Variants in FGF14 observed in about 807,000 individuals in gnomAD.
The protein encoded by FGF14 is fibroblast growth factor 14.
A neutral mutation model predicts 25.5 loss-of-function variants in FGF14; 5 were observed. The ratio of observed to expected loss-of-function variants is 0.20; its 90% CI spans 0.10 to 0.41. The LOEUF (loss-of-function observed/expected upper bound fraction) is 0.41. Among genes scored for constraint, FGF14 ranks in the 10% least tolerant of loss-of-function variants. The pLI, the probability that FGF14 is intolerant of heterozygous loss-of-function variation, is 1.00. For missense variants in FGF14, 222 were observed against 320.1 expected (o/e 0.69, Z 2.34); for synonymous variants, 138 against 118.3 (o/e 1.17, Z -1.08).
At chr13:102,061,526 T>C (rs1334080033) in intron 1 of FGF14, among the ~76,000 whole-genome samples, 1 of 152,250 alleles carries the variant, frequency 6.6e-6, no homozygotes, top group Non-Finnish European at 1.5e-5. Flanking sequence ...CTCACTTTTA[T>C]AGACAAATAA....
intron 3 of FGF14, among the ~76,000 whole-genome samples, chr13:101,862,936 T>C (rs1347292449): frequency 1.3e-5 from 2 of 152,114 alleles, no homozygotes; most frequent in Non-Finnish European, 2.9e-5. Flanking sequence ...TTATTTAACA[T>C]TTTATTAATA....
intron 1 of FGF14, among the ~76,000 whole-genome samples, chr13:101,950,188 G>A (rs1204905708): frequency 2.0e-5 from 3 of 152,054 alleles, no homozygotes; most frequent in African/African-American, 4.8e-5. Flanking sequence ...CACTCAACGA[G>A]TCTATAATGA....
intron 3 of FGF14, among the ~76,000 whole-genome samples, chr13:101,831,263 TTTATTTA>T (rs1024980621): frequency 2.6e-5 from 4 of 151,090 alleles, no homozygotes; most frequent in African/African-American, 9.7e-5. Context: ...TATTTATTTA[TTTATTTA>T]TTTATTTATT....
At chr13:102,382,700 T>C (rs1398480191) in intron 1 of FGF14, among the ~76,000 whole-genome samples, 1 of 152,058 alleles carries the variant, frequency 6.6e-6, no homozygotes, top group Non-Finnish European at 1.5e-5. Context: ...TTTATAGTAG[T>C]AAAATAATGA....
chr13:101,878,763 T>C (rs947225088), intron 1 of FGF14, among the ~76,000 whole-genome samples: 1 of 152,028 alleles, frequency 6.6e-6, no homozygotes, highest in Non-Finnish European at 1.5e-5. Flanking sequence ...AAAATGAAAC[T>C]TCATCCTAAA....
At chr13:101,770,394 T>C (rs1245904688) in intron 3 of FGF14, among the ~76,000 whole-genome samples, 1 of 152,136 alleles carries the variant, frequency 6.6e-6, no homozygotes, top group African/African-American at 2.4e-5. Context: ...AATACTGTTT[T>C]ATAAGTGGGA....
At chr13:102,314,077 C>A (rs1269451188) in intron 1 of FGF14, among the ~76,000 whole-genome samples, 1 of 149,950 alleles carries the variant, frequency 6.7e-6, no homozygotes, top group Non-Finnish European at 1.5e-5. Context: ...CGCAAGCCAT[C>A]TTCATGAGGC....
At chr13:101,737,790 T>C (rs1216061971) in intron 3 of FGF14, among the ~76,000 whole-genome samples, 1 of 152,156 alleles carries the variant, frequency 6.6e-6, no homozygotes, top group Non-Finnish European at 1.5e-5. Context: ...ATTTTTCTAC[T>C]TTTTTCTCTT....
intron 1 of FGF14, among the ~76,000 whole-genome samples, chr13:102,143,311 C>A (rs975399370): frequency 2.6e-5 from 4 of 151,846 alleles, no homozygotes; most frequent in Non-Finnish European, 4.4e-5. Context: ...TTCCAGGTGG[C>A]AAAATAACTA....
At chr13:102,017,543 T>G (rs1392290229) in intron 1 of FGF14, among the ~76,000 whole-genome samples, 2 of 152,146 alleles carry the variant, frequency 1.3e-5, no homozygotes, top group Non-Finnish European at 2.9e-5. Flanking sequence ...CCTTATTATT[T>G]TCTCTTTATC....
At chr13:101,723,170 C>G (rs1244296071) in intron 4 of FGF14, 1 of 633,486 alleles carries the variant, frequency 1.6e-6, no homozygotes, top group Non-Finnish European at 2.8e-6. Context: ...ATTCTCTGGT[C>G]TGTATACCTA....
intron 1 of FGF14, among the ~76,000 whole-genome samples, chr13:102,273,729 A>G (rs956822591): frequency 6.6e-6 from 1 of 152,108 alleles, no homozygotes; most frequent in South Asian, 2.1e-4. Flanking sequence ...CTCTTTCTAC[A>G]GGTCCAGGAG....
intron 1 of FGF14, among the ~76,000 whole-genome samples, chr13:101,999,305 A>G (rs1301402842): frequency 1.3e-5 from 2 of 152,232 alleles, no homozygotes; most frequent in Non-Finnish European, 2.9e-5. Context: ...AATGGAAAAA[A>G]TCTAGCAATG....
rs774600471 is a variant in FGF14 at position 101,794,733 on chromosome 13, T to G, written c.409-67923A>C. On this transcript the variant is annotated intron_variant, in intron 3 of 4. Transcript: ENST00000376143. Reference sequence around the variant, plus strand: ...TGATTACAAAGCCATCTCTAGCAATTTAATACAATTATGAAATGGAAAAGT... The same window carrying G: ...TGATTACAAAGCCATCTCTAGCAATGTAATACAATTATGAAATGGAAAAGT... 2.0e-5 allele frequency among the ~76,000 whole-genome samples: 3 copies of G among 152,110 alleles called. No homozygotes were observed. In the East Asian group the frequency reaches 5.8e-4, roughly 29 times the overall value.
At chr13:101,734,820 A>G (rs2036064970) in intron 3 of FGF14, among the ~76,000 whole-genome samples, 1 of 152,226 alleles carries the variant, frequency 6.6e-6, no homozygotes, top group South Asian at 2.1e-4. Context: ...TTGCCCGAGT[A>G]CGTTACTTTC....
rs370221632 is a variant in FGF14 at position 101,756,345 on chromosome 13, G to T, written c.409-29535C>A. 3.9e-5 allele frequency among the ~76,000 whole-genome samples: 6 copies of T among 152,276 alleles called. No homozygotes were observed. In the East Asian group the frequency reaches 7.7e-4, roughly 20 times the overall value. ...AAAAATGAAAGTCATTTGTACCTGA[G>T]AATCCAAGTTTAATTGCCGTAGTCT... is the stretch of plus-strand genomic sequence containing the variant. On this transcript the variant is annotated intron_variant, in intron 3 of 4. Coordinates refer to ENST00000376143, the MANE Select transcript of FGF14 (RefSeq NM_004115.4).
chr13:102,154,193 C>A (rs2047214481), intron 1 of FGF14, among the ~76,000 whole-genome samples: 1 of 151,922 alleles, frequency 6.6e-6, no homozygotes, highest in Non-Finnish European at 1.5e-5. Flanking sequence ...CCGAGAAGAG[C>A]AACTCCAAGA....
At chr13:101,803,258 A>G (rs2040998024) in intron 3 of FGF14, among the ~76,000 whole-genome samples, 1 of 151,660 alleles carries the variant, frequency 6.6e-6, no homozygotes, top group South Asian at 2.1e-4. Flanking sequence ...CCTCCCAAGC[A>G]ACTGGGACCA....
At position 102,114,571 on chromosome 13, in the gene FGF14, C is replaced by A. The variant is rs116163768; in HGVS notation, c.209-239275G>T. Among the ~76,000 whole-genome samples, 1,150 of 152,206 alleles carry A rather than the reference C, an allele frequency of 7.6e-3. 21 individuals are homozygous for A. The highest frequency in any genetic ancestry group is 0.026 in the African/African-American group (1,088 of 41,522). On this transcript the variant is annotated intron_variant, in intron 1 of 4. Coordinates refer to the FGF14 transcript ENST00000376131. The stretch of plus-strand genomic sequence containing the variant: ...ATGTAGAAACAACATAAATGTCCAT[C>A]AACATTTATGTTGTCATAAACATAA...
Sources: gnomAD v4.1 joint callset for allele counts (sites outside exome capture counted in the v4.1 genomes callset) on GRCh38, gnomAD v4.1.1 for gene constraint, MANE v1.5 for transcripts, NCBI Gene and HGNC (gene_info 2026-07-23, HGNC 2026-07-21) for gene names.